The following DSCAM variants were observed in gnomAD, a reference collection of about 807,000 sequenced individuals.
DSCAM encodes the protein DS cell adhesion molecule, also known as cell adhesion molecule DSCAM.
Under a neutral mutation model 217.7 loss-of-function variants are expected in DSCAM, and 47 were observed. The ratio of observed to expected loss-of-function variants is 0.22; its 90% CI spans 0.17 to 0.28. The LOEUF (loss-of-function observed/expected upper bound fraction) is 0.28. Among genes scored for constraint, DSCAM ranks in the 10% least tolerant of loss-of-function variants. DSCAM has a pLI of 1.00. For missense variants in DSCAM, 2,080 were observed against 2,618.3 expected (o/e 0.79, Z 4.49); for synonymous variants, 1,056 against 1,015.3 (o/e 1.04, Z -0.76).
intron 3 of DSCAM, among the ~76,000 whole-genome samples, chr21:40,488,814 G>A (rs1164911944): frequency 6.6e-6 from 1 of 152,080 alleles, no homozygotes; most frequent in Non-Finnish European, 1.5e-5. Flanking sequence ...CACCTTTACT[G>A]GACACAATTT....
chr21:40,536,940 C>G (rs1057173457), intron 3 of DSCAM, among the ~76,000 whole-genome samples: 1 of 152,210 alleles, frequency 6.6e-6, no homozygotes, highest in Non-Finnish European at 1.5e-5. Context: ...CAGAACAGGA[C>G]TGCCTCACTT....
intron 3 of DSCAM, among the ~76,000 whole-genome samples, chr21:40,666,468 C>A (rs2090200982): frequency 6.6e-6 from 1 of 152,172 alleles, no homozygotes; most frequent in Non-Finnish European, 1.5e-5. Context: ...ACTTTCATCC[C>A]TGATAGAATT....
chr21:40,350,203 A>T (rs2074614145), intron 5 of DSCAM, among the ~76,000 whole-genome samples: 1 of 152,220 alleles, frequency 6.6e-6, no homozygotes, highest in Non-Finnish European at 1.5e-5. Flanking sequence ...AACCTAGTCA[A>T]TACCATTCAG....
At chr21:40,418,359 A>G (rs1456661611) in intron 3 of DSCAM, among the ~76,000 whole-genome samples, 1 of 152,220 alleles carries the variant, frequency 6.6e-6, no homozygotes, top group Non-Finnish European at 1.5e-5. Flanking sequence ...TTGACCAACC[A>G]ATAAGTTTTA....
intron 1 of DSCAM, among the ~76,000 whole-genome samples, chr21:40,775,427 C>A (rs1411983127): frequency 6.6e-6 from 1 of 152,010 alleles, no homozygotes; most frequent in African/African-American, 2.4e-5. Context: ...AAGAGGTTAC[C>A]GTATGAATCT....
intron 30 of DSCAM, among the ~76,000 whole-genome samples, chr21:40,047,246 T>TATG (rs1376083255): frequency 2.6e-5 from 4 of 152,188 alleles, no homozygotes; most frequent in African/African-American, 9.6e-5. Context: ...AACTCTGCTG[T>TATG]ATGATAATGA....
At chr21:40,616,298 C>A (rs1306602442) in intron 3 of DSCAM, among the ~76,000 whole-genome samples, 1 of 152,168 alleles carries the variant, frequency 6.6e-6, no homozygotes, top group African/African-American at 2.4e-5. Context: ...CTTGGCCCTG[C>A]AATATTCCCT....
At chr21:40,627,111 T>C (rs2089611588) in intron 3 of DSCAM, among the ~76,000 whole-genome samples, 1 of 152,238 alleles carries the variant, frequency 6.6e-6, no homozygotes, top group Non-Finnish European at 1.5e-5. Flanking sequence ...ATCTACTTCA[T>C]GAGCTTTGTG....
At chr21:40,552,337 C>T (rs1358462836) in intron 3 of DSCAM, among the ~76,000 whole-genome samples, 1 of 152,040 alleles carries the variant, frequency 6.6e-6, no homozygotes, top group Non-Finnish European at 1.5e-5. Context: ...GTTCTCTTCC[C>T]TTCCTAGACC....
chr21:40,372,459 C>T (rs1005596941), intron 3 of DSCAM, among the ~76,000 whole-genome samples: 5 of 152,130 alleles, frequency 3.3e-5, no homozygotes, highest in Admixed American at 6.6e-5. Flanking sequence ...TACTTTTTGT[C>T]ATGTTAGACA....
At chr21:40,402,324 C>T (rs1438839796) in intron 3 of DSCAM, among the ~76,000 whole-genome samples, 1 of 150,790 alleles carries the variant, frequency 6.6e-6, no homozygotes. Context: ...CCGTCTCAGC[C>T]TCCCAAAGTG....
chr21:40,292,346 T>C (rs766879260), intron 10 of DSCAM, among the ~76,000 whole-genome samples: 1 of 152,136 alleles, frequency 6.6e-6, no homozygotes, highest in Non-Finnish European at 1.5e-5. Flanking sequence ...AGTTTTGTCA[T>C]TTATGAGGGA....
intron 3 of DSCAM, among the ~76,000 whole-genome samples, chr21:40,528,077 C>G (rs1435098551): frequency 6.6e-6 from 1 of 152,124 alleles, no homozygotes; most frequent in African/African-American, 2.4e-5. Flanking sequence ...GGTTCAGTGC[C>G]CAAAACCATA....
At chr21:40,247,355 C>G (rs1217417838) in intron 11 of DSCAM, among the ~76,000 whole-genome samples, 1 of 152,188 alleles carries the variant, frequency 6.6e-6, no homozygotes, top group Non-Finnish European at 1.5e-5. Flanking sequence ...TCATCTGAGA[C>G]AAGGCAAGTC....
intron 3 of DSCAM, among the ~76,000 whole-genome samples, chr21:40,607,986 G>C (rs1264061295): frequency 6.6e-6 from 1 of 152,118 alleles, no homozygotes; most frequent in Non-Finnish European, 1.5e-5. Flanking sequence ...AGTGAAGAGT[G>C]AGTGAGGAAG....
At chr21:40,389,196 G>A (rs1449263328) in intron 3 of DSCAM, among the ~76,000 whole-genome samples, 1 of 152,138 alleles carries the variant, frequency 6.6e-6, no homozygotes, top group East Asian at 1.9e-4. Context: ...ATGTCATGCT[G>A]AGAAAACTTC....
chr21:40,579,176 CTG>C (rs769450099), intron 3 of DSCAM, among the ~76,000 whole-genome samples: 12 of 151,982 alleles, frequency 7.9e-5, no homozygotes, highest in Non-Finnish European at 1.6e-4. Flanking sequence ...CCTGATGGGT[CTG>C]TGTTTTTTTG....
chr21:40,705,493 G>A (rs188479725), intron 2 of DSCAM, among the ~76,000 whole-genome samples: 1 of 152,222 alleles, frequency 6.6e-6, no homozygotes, highest in East Asian at 1.9e-4. Flanking sequence ...AAAGAAAAGA[G>A]GTTTAATTAA....
intron 3 of DSCAM, among the ~76,000 whole-genome samples, chr21:40,525,001 C>T (rs372954211): frequency 9.5e-4 from 87 of 91,148 alleles, no homozygotes; most frequent in African/African-American, 4.1e-3. Context: ...CAGAGTGAGA[C>T]TCAGTCTCAA....
Sources: allele counts gnomAD v4.1 joint callset (sites outside exome capture counted in the v4.1 genomes callset), GRCh38; gene constraint gnomAD v4.1.1; transcripts MANE v1.5; gene names NCBI Gene and HGNC (gene_info 2026-07-23, HGNC 2026-07-21).